The following CSMD1 variants were observed in gnomAD, a reference collection of about 807,000 sequenced individuals.
CSMD1 encodes the protein CUB and sushi domain-containing protein 1.
In CSMD1, 213 loss-of-function variants were observed where a neutral mutation model predicts 417.5. The ratio of observed to expected loss-of-function variants is 0.51; its 90% CI spans 0.46 to 0.57. The LOEUF (loss-of-function observed/expected upper bound fraction) is 0.57. CSMD1 is among the 20% of genes least tolerant of loss of function. The probability of loss-of-function intolerance (pLI) is 0.00; values close to 1 mark genes in which losing one functional copy is unlikely to be tolerated. For missense variants in CSMD1, 6,923 were observed against 4,529.7 expected (o/e 1.53, Z -15.17); for synonymous variants, 2,862 against 1,736.8 (o/e 1.65, Z -16.11).
At chr8:3,520,683 G>A (rs1324373761) in intron 10 of CSMD1, among the ~76,000 whole-genome samples, 2 of 151,854 alleles carry the variant, frequency 1.3e-5, no homozygotes, top group Non-Finnish European at 2.9e-5. Flanking sequence ...GTTTCTTTAA[G>A]TCTGTTTTTC....
chr8:3,947,369 G>C (rs896083876), intron 5 of CSMD1, among the ~76,000 whole-genome samples: 5 of 152,150 alleles, frequency 3.3e-5, no homozygotes, highest in African/African-American at 4.8e-5. Context: ...TCGTATTCCT[G>C]AAAGTGACCC....
Position 3,284,329 on chromosome 8 carries a change from A to T in CSMD1, c.3968T>A (p.Phe1323Tyr). 1 of 1,613,670 alleles carries T rather than the reference A, an allele frequency of 6.2e-7. No homozygotes were observed. The highest frequency in any genetic ancestry group is 8.5e-7 in the Non-Finnish European group (1 of 1,179,788). ...GATGTCGTGAGCCATCTCCGTGTCG[A>T]AAACAATGAAATGGAGGCTGCAAGA... ...GKTISLHFIV[F>Y]DTEMAHDILK... Residue 1323 changes from phenylalanine (F) to tyrosine (Y), a missense_variant, in exon 26 of 70, where the codon TTC becomes TAC. Physicochemically the swap from Phe to Tyr is conservative, Grantham distance 22 (BLOSUM62 3). Transcript: ENST00000635120.
chr8:4,218,977 C>T (rs1274741175), intron 3 of CSMD1, among the ~76,000 whole-genome samples: 1 of 152,168 alleles, frequency 6.6e-6, no homozygotes, highest in Non-Finnish European at 1.5e-5. Context: ...TAATCAAATA[C>T]TCCCGGTGTA....
intron 5 of CSMD1, among the ~76,000 whole-genome samples, chr8:3,994,462 A>AT (rs1815044968): frequency 1.3e-5 from 2 of 150,004 alleles, no homozygotes; most frequent in South Asian, 4.2e-4. Flanking sequence ...AAAAAAAAAA[A>AT]AAAAGAACAC....
At chr8:3,992,132 G>C (rs1007469624) in intron 5 of CSMD1, among the ~76,000 whole-genome samples, 5 of 151,212 alleles carry the variant, frequency 3.3e-5, no homozygotes, top group Non-Finnish European at 7.4e-5. Flanking sequence ...ATATGTGTGT[G>C]TGTGTGTATG....
intron 10 of CSMD1, among the ~76,000 whole-genome samples, chr8:3,496,688 T>C (rs966191363): frequency 6.6e-6 from 1 of 152,084 alleles, no homozygotes; most frequent in African/African-American, 2.4e-5. Flanking sequence ...TAGCCTGGCA[T>C]GGTGGCGTGT....
chr8:3,121,775 G>C (rs1049989388), intron 41 of CSMD1, among the ~76,000 whole-genome samples: 1 of 152,016 alleles, frequency 6.6e-6, no homozygotes, highest in African/African-American at 2.4e-5. Flanking sequence ...CTCCAGCCTG[G>C]GTGACAGAGC....
At chr8:4,686,317 A>G (rs1806384655) in intron 1 of CSMD1, among the ~76,000 whole-genome samples, 1 of 152,172 alleles carries the variant, frequency 6.6e-6, no homozygotes, top group African/African-American at 2.4e-5. Flanking sequence ...CAATCATGCC[A>G]TTCCTGATTG....
At chr8:4,602,925 T>G (rs1378572020) in intron 2 of CSMD1, among the ~76,000 whole-genome samples, 6 of 151,832 alleles carry the variant, frequency 4.0e-5, no homozygotes, top group East Asian at 1.9e-4. Context: ...AATAGATTAT[T>G]ATGTATGAAT....
At chr8:4,833,272 G>C (rs754192576) in intron 1 of CSMD1, among the ~76,000 whole-genome samples, 1 of 152,160 alleles carries the variant, frequency 6.6e-6, no homozygotes, top group Non-Finnish European at 1.5e-5. Context: ...GGAGGCTTCA[G>C]GAAACTTACA....
chr8:4,275,974 G>A (rs997459032), intron 3 of CSMD1, among the ~76,000 whole-genome samples: 2 of 152,208 alleles, frequency 1.3e-5, no homozygotes, highest in African/African-American at 2.4e-5. Flanking sequence ...GGAAACAGCA[G>A]ATGCTGGAGA....
At chr8:4,688,588 C>A (rs894861856) in intron 1 of CSMD1, among the ~76,000 whole-genome samples, 10 of 152,160 alleles carry the variant, frequency 6.6e-5, no homozygotes, top group Non-Finnish European at 4.4e-5. Flanking sequence ...AGAGAGTGAA[C>A]ACTCCCTATA....
chr8:3,145,224 G>A (rs868860962), intron 40 of CSMD1, among the ~76,000 whole-genome samples: 1 of 152,150 alleles, frequency 6.6e-6, no homozygotes, highest in African/African-American at 2.4e-5. Context: ...CTGCTGAATT[G>A]CTGGCACTTC....
chr8:4,479,235 A>G (rs1473255920), intron 2 of CSMD1, among the ~76,000 whole-genome samples: 1 of 152,190 alleles, frequency 6.6e-6, no homozygotes, highest in African/African-American at 2.4e-5. Flanking sequence ...ATTACATATT[A>G]ATATTGCCAG....
At chr8:3,283,117 G>C (rs1204078447) in intron 26 of CSMD1, among the ~76,000 whole-genome samples, 1 of 152,130 alleles carries the variant, frequency 6.6e-6, no homozygotes, top group African/African-American at 2.4e-5. Flanking sequence ...TGCAGATGTG[G>C]TTTCACACTA....
chr8:4,637,099 G>A (rs1048504580), intron 2 of CSMD1, among the ~76,000 whole-genome samples: 1 of 152,136 alleles, frequency 6.6e-6, no homozygotes, highest in Non-Finnish European at 1.5e-5. Flanking sequence ...CTGTGCTGTG[G>A]AAACTTTATT....
intron 8 of CSMD1, among the ~76,000 whole-genome samples, chr8:3,612,051 A>G (rs1801920329): frequency 6.6e-6 from 1 of 152,136 alleles, no homozygotes; most frequent in South Asian, 2.1e-4. Flanking sequence ...GGATTTTTAA[A>G]AATATTTAAT....
chr8:3,188,862 T>C (rs1796247038), intron 35 of CSMD1, 25 bp downstream of exon 35: 5 of 1,539,538 alleles, frequency 3.2e-6, no homozygotes, highest in African/African-American at 1.4e-5. Context: ...AGCCCTGTTG[T>C]AGACTGTGGA....
chr8:3,799,329 G>A (rs934557731), intron 5 of CSMD1, among the ~76,000 whole-genome samples: 2 of 150,800 alleles, frequency 1.3e-5, no homozygotes, highest in Admixed American at 6.6e-5. Context: ...CATGTGCCAT[G>A]CTGGTGTGCT....
Sources: gnomAD v4.1 joint callset for allele counts (sites outside exome capture counted in the v4.1 genomes callset) on GRCh38, gnomAD v4.1.1 for gene constraint, MANE v1.5 for transcripts, NCBI Gene and HGNC (gene_info 2026-07-23, HGNC 2026-07-21) for gene names.